The following PRKACB variants were observed in gnomAD, a reference collection of about 807,000 sequenced individuals.
The protein encoded by PRKACB is cAMP-dependent protein kinase catalytic subunit beta.
Under a neutral mutation model 51.4 loss-of-function variants are expected in PRKACB, and 16 were observed. That is an observed-to-expected ratio of 0.31 (90% confidence interval 0.21 to 0.47). The LOEUF (loss-of-function observed/expected upper bound fraction) is 0.47, where lower values mean the gene tolerates loss of function less well. Among genes scored for constraint, PRKACB ranks in the 20% least tolerant of loss-of-function variants. PRKACB has a pLI of 1.00. For missense variants in PRKACB, 309 were observed against 464.5 expected (o/e 0.67, Z 3.08); for synonymous variants, 147 against 154.4 (o/e 0.95, Z 0.35).
intron 9 of PRKACB, among the ~76,000 whole-genome samples, chr1:84,230,532 A>T (rs557817221): frequency 2.6e-5 from 4 of 152,240 alleles, no homozygotes; most frequent in African/African-American, 9.6e-5. Flanking sequence ...CAGTATGGCC[A>T]TTTTCATGAT....
In PRKACB at chr1:84,235,518, G is replaced by C. The variant is rs1306921874; in HGVS notation, c.*213G>C. ...CAAGCATTGTCTGTGCCATAACACA[G>C]TACTAGACCACTTTCTTACTTCTCT... On this transcript the variant is annotated 3_prime_UTR_variant, in exon 10 of 10. Coordinates refer to ENST00000370685, the MANE Select transcript of PRKACB (RefSeq NM_182948.4). The C allele has an allele frequency of 2.0e-6, 1 of 499,586 alleles. No homozygotes were observed. The highest frequency in any genetic ancestry group is 3.5e-6 in the Non-Finnish European group (1 of 288,024). 30.9% of individuals were successfully genotyped at this position (499,586 alleles called of 1,614,324 possible).
At chr1:84,078,440 C>T (rs1465249809) in intron 1 of PRKACB, 2 of 1,569,048 alleles carry the variant, frequency 1.3e-6, no homozygotes, top group African/African-American at 2.7e-5. Flanking sequence ...CCCTCCGGGT[C>T]GCAGCTTCTG....
At chr1:84,179,925 C>T (rs1183330352) in intron 2 of PRKACB, among the ~76,000 whole-genome samples, 1 of 150,404 alleles carries the variant, frequency 6.6e-6, no homozygotes, top group Non-Finnish European at 1.5e-5. Context: ...AGGTATTTCT[C>T]CTAATGCTAT....
chr1:84,102,678 G>A (rs1278590814), intron 1 of PRKACB, among the ~76,000 whole-genome samples: 3 of 152,072 alleles, frequency 2.0e-5, no homozygotes, highest in Non-Finnish European at 2.9e-5. Context: ...AAAAGTGTAC[G>A]GGCCCTCACC....
At chr1:84,166,757 T>C (rs1657611807) in intron 1 of PRKACB, among the ~76,000 whole-genome samples, 1 of 151,730 alleles carries the variant, frequency 6.6e-6, no homozygotes, top group African/African-American at 2.4e-5. Flanking sequence ...GTGTACATGG[T>C]ACTTTTCTCG....
intron 1 of PRKACB, among the ~76,000 whole-genome samples, chr1:84,133,558 G>A (rs1388474981): frequency 6.6e-6 from 1 of 152,218 alleles, no homozygotes; most frequent in Non-Finnish European, 1.5e-5. Context: ...TGGGGGAATT[G>A]GAGTGCTGGT....
chr1:84,126,148 A>C (rs771055148), intron 1 of PRKACB, among the ~76,000 whole-genome samples: 1 of 152,124 alleles, frequency 6.6e-6, no homozygotes, highest in Non-Finnish European at 1.5e-5. Flanking sequence ...CAGTGTGCTC[A>C]TTTAGCTTTG....
At chr1:84,198,412 A>G (rs1432016960) in intron 7 of PRKACB, among the ~76,000 whole-genome samples, 2 of 152,106 alleles carry the variant, frequency 1.3e-5, no homozygotes, top group Non-Finnish European at 2.9e-5. Context: ...TAGAAAGGAG[A>G]ACCTAACAAT....
intron 8 of PRKACB, among the ~76,000 whole-genome samples, chr1:84,211,307 G>C (rs1157766849): frequency 4.6e-5 from 7 of 152,088 alleles, no homozygotes; most frequent in Admixed American, 4.6e-4. Context: ...TGAATGTAAT[G>C]AAAGAGATAA....
At chr1:84,165,135 C>G in intron 1 of PRKACB, 1 of 776,978 alleles carries the variant, frequency 1.3e-6, no homozygotes, top group Non-Finnish European at 1.9e-6. Context: ...TTTGTGGTGA[C>G]GCTTTTGTAC....
chr1:84,229,482 T>G (rs1407268952), intron 9 of PRKACB, among the ~76,000 whole-genome samples: 3 of 137,846 alleles, frequency 2.2e-5, no homozygotes, highest in South Asian at 2.6e-4. Context: ...GTATTTCTAG[T>G]TCTAGATCCC....
chr1:84,202,075 G>A lies in PRKACB; in HGVS notation c.784-608G>A, dbSNP rs187626756. ...TTTAGATATAGGAAGCAAGACAGTA[G>A]ATAGCAGAAGTAAAGTATACCTAAA... On this transcript the variant is annotated intron_variant, in intron 7 of 9. Coordinates refer to ENST00000370685, the MANE Select transcript of PRKACB (RefSeq NM_182948.4). Among the ~76,000 whole-genome samples the A allele has an allele frequency of 2.6e-5, 4 of 152,108 alleles. No homozygotes were observed. In the East Asian group the frequency reaches 7.7e-4, roughly 29 times the overall value.
chr1:84,195,375 G>GTATTTTT (rs1667921893), intron 5 of PRKACB, among the ~76,000 whole-genome samples: 1 of 152,106 alleles, frequency 6.6e-6, no homozygotes, highest in Admixed American at 6.6e-5. Flanking sequence ...GTCTTTTGTT[G>GTATTTTT]GAATTTGTAT....
chr1:84,115,847 A>G (rs1650586968), intron 1 of PRKACB, among the ~76,000 whole-genome samples: 1 of 126,784 alleles, frequency 7.9e-6, no homozygotes, highest in African/African-American at 3.0e-5. Flanking sequence ...GTGCCATTGC[A>G]CTCCAGCCTG....
At position 84,214,323 on chromosome 1, in the gene PRKACB, A is replaced by G. The variant is rs779005963; in HGVS notation, c.1071+6A>G. 1.3e-6 allele frequency: 2 copies of G among 1,558,520 alleles called. No homozygotes were observed. Among genetic ancestry groups the G allele is most frequent in the Non-Finnish European group, 1.7e-6 (2 of 1,155,510 alleles). ...TTGCTATTTACCAGAGGAAGGTGAG[A>G]CTTTCTTTTTTAATTTAAAAGCTTT... On this transcript the variant is annotated splice_donor_region_variant and intron_variant, in intron 9 of 9. Coordinates refer to ENST00000370685, the MANE Select transcript of PRKACB (RefSeq NM_182948.4).
intron 2 of PRKACB, among the ~76,000 whole-genome samples, chr1:84,180,286 A>G (rs910363081): frequency 2.0e-5 from 3 of 147,712 alleles, no homozygotes; most frequent in Non-Finnish European, 3.0e-5. Context: ...ATTGGAGACT[A>G]TTATTCAAAG....
intron 1 of PRKACB, among the ~76,000 whole-genome samples, chr1:84,087,406 G>A (rs1307876728): frequency 6.6e-6 from 1 of 152,086 alleles, no homozygotes; most frequent in Non-Finnish European, 1.5e-5. Flanking sequence ...ATGAATTATC[G>A]TAAAACCTTG....
intron 1 of PRKACB, among the ~76,000 whole-genome samples, chr1:84,124,297 G>T (rs1651363139): frequency 6.6e-6 from 1 of 152,168 alleles, no homozygotes; most frequent in Non-Finnish European, 1.5e-5. Context: ...TGATTAACAA[G>T]TAGGAATTAG....
chr1:84,109,260 ATATC>A (rs765834054), intron 1 of PRKACB, among the ~76,000 whole-genome samples: 33 of 152,082 alleles, frequency 2.2e-4, no homozygotes, highest in Admixed American at 1.0e-3. Flanking sequence ...TTGAGTATAT[ATATC>A]TAGGAGTAGG....
Sources: allele counts gnomAD v4.1 joint callset (sites outside exome capture counted in the v4.1 genomes callset), GRCh38; gene constraint gnomAD v4.1.1; transcripts MANE v1.5; gene names NCBI Gene and HGNC (gene_info 2026-07-23, HGNC 2026-07-21).